Variants in CFAP221 observed in about 807,000 individuals in gnomAD.
CFAP221 encodes cilia- and flagella-associated protein 221.
CFAP221 carries 97 observed loss-of-function variants against 113.1 expected under a neutral mutation model. The observed-to-expected ratio is 0.86, with a 90% CI of 0.73 to 1.02. The LOEUF is 1.02. CFAP221 is among the 50% of genes least tolerant of loss of function. The pLI, the probability that CFAP221 is intolerant of heterozygous loss-of-function variation, is 0.00. For missense variants in CFAP221, 1,025 were observed against 1,013.4 expected, an observed-to-expected ratio of 1.01 and a Z score of -0.16; for synonymous variants, 331 against 354.4, an observed-to-expected ratio of 0.93 and a Z score of 0.74.
Position 119,638,416 on chromosome 2 carries a change from C to A in CFAP221, c.2132C>A (p.Thr711Lys). The A allele has an allele frequency of 6.2e-7, 1 of 1,614,040 alleles. No homozygotes were observed. Among genetic ancestry groups the A allele is most frequent in the Non-Finnish European group, 8.5e-7 (1 of 1,179,978 alleles). The part of the protein sequence containing the change: ...PVTQKQFLHH[T>K]DIIPGIMHWK... Reference sequence around the variant, plus strand: ...ACCCAAAAGCAGTTTCTCCATCACACGGTAATGTCATCACCAGGCTCACTG... The same window carrying A: ...ACCCAAAAGCAGTTTCTCCATCACAAGGTAATGTCATCACCAGGCTCACTG... Residue 711 changes from threonine (T) to lysine (K), a missense_variant and splice_region_variant, in exon 20 of 24, where the codon ACG (threonine) becomes AAG (lysine). Transcript: ENST00000413369.
At chr2:119,621,864 A>C (rs1004663281) in intron 14 of CFAP221, among the ~76,000 whole-genome samples, 6 of 152,224 alleles carry the variant, frequency 3.9e-5, no homozygotes, top group Non-Finnish European at 8.8e-5. Flanking sequence ...AACATACCAG[A>C]ATCTCTGGGA....
At chr2:119,592,313 G>A (rs1033223474) in intron 7 of CFAP221, among the ~76,000 whole-genome samples, 2 of 152,194 alleles carry the variant, frequency 1.3e-5, no homozygotes, top group Admixed American at 6.5e-5. Flanking sequence ...CCTAAAATTT[G>A]TTGCTAAAAT....
chr2:119,584,265 G>A (rs899071494), intron 6 of CFAP221, among the ~76,000 whole-genome samples: 3 of 152,054 alleles, frequency 2.0e-5, no homozygotes, highest in Non-Finnish European at 4.4e-5. Flanking sequence ...TACTTGCAAT[G>A]CATATAATTA....
At position 119,560,001 on chromosome 2, in the gene CFAP221, A is replaced by G. The variant is rs765183176; in HGVS notation, c.401A>G (p.Tyr134Cys). The G allele has an allele frequency of 4.6e-6, 7 of 1,509,198 alleles. No individual in the cohort carries two copies. In the East Asian group the frequency reaches 1.7e-4, roughly 38 times the overall value. 93.5% of individuals were successfully genotyped at this position (1,509,198 alleles called of 1,614,324 possible). Residue 134 changes from tyrosine to cysteine, a missense_variant, in exon 5 of 24, where the codon TAT becomes TGT. By Grantham distance (194) the Tyr-to-Cys change is radical. Coordinates refer to ENST00000413369, the MANE Select transcript of CFAP221 (RefSeq NM_001271049.2). ...TCTCCAGATGAGTGGCGATACTATT[A>G]TGACTGCATCCGTGTTCACTGTAAG... Reference protein sequence around the residue: ...TFSPDEWRYYYDCIRVHCKGD... With the variant: ...TFSPDEWRYYCDCIRVHCKGD...
At chr2:119,606,585 T>G (rs552156737) in intron 11 of CFAP221, among the ~76,000 whole-genome samples, 1 of 152,120 alleles carries the variant, frequency 6.6e-6, no homozygotes, top group Non-Finnish European at 1.5e-5. Flanking sequence ...TTCCCTATTA[T>G]GAAAAACAGG....
At chr2:119,621,228 A>G (rs1424815816) in intron 14 of CFAP221, among the ~76,000 whole-genome samples, 1 of 152,006 alleles carries the variant, frequency 6.6e-6, no homozygotes, top group Admixed American at 6.5e-5. Context: ...TGTGTCAAAA[A>G]AAAAAAAAAA....
Position 119,651,970 on chromosome 2 carries a change from G to A in CFAP221, c.2319-4G>A. On this transcript the variant is annotated splice_polypyrimidine_tract_variant and splice_region_variant and intron_variant, in intron 22 of 23. Transcript: ENST00000413369. ...TGCCCACTAAACATCTTATTACTTT[G>A]CAGTGAGCTCTGTGAGCAGAATGTA... is the stretch of plus-strand genomic sequence containing the variant. 1 of 1,606,514 alleles carries A rather than the reference G, an allele frequency of 6.2e-7. No individual in the cohort carries two copies. Among genetic ancestry groups the A allele is most frequent in the Non-Finnish European group, 8.5e-7 (1 of 1,175,134 alleles).
At chr2:119,605,720 A>T (rs1002386100) in intron 11 of CFAP221, among the ~76,000 whole-genome samples, 3 of 152,094 alleles carry the variant, frequency 2.0e-5, no homozygotes, top group Non-Finnish European at 2.9e-5. Context: ...TAAAACTGAG[A>T]TGTGAGAATT....
intron 13 of CFAP221, among the ~76,000 whole-genome samples, chr2:119,614,046 G>C (rs1244419897): frequency 6.6e-6 from 1 of 152,180 alleles, no homozygotes; most frequent in Non-Finnish European, 1.5e-5. Flanking sequence ...CAAGTTCAAA[G>C]TTCCACAGAT....
chr2:119,636,542 G>A (rs141401539), intron 19 of CFAP221, among the ~76,000 whole-genome samples: 5 of 152,338 alleles, frequency 3.3e-5, no homozygotes, highest in African/African-American at 7.2e-5. Context: ...CGAAGTCCTT[G>A]TCTTGCATAG....
intron 8 of CFAP221, chr2:119,602,724 A>T (rs942455300): frequency 7.1e-6 from 7 of 985,422 alleles, no homozygotes; most frequent in African/African-American, 1.7e-5. Flanking sequence ...CTGAACACAA[A>T]TTTTAAAACT....
chr2:119,564,288 T>A (rs1490295462), intron 6 of CFAP221, among the ~76,000 whole-genome samples: 1 of 152,192 alleles, frequency 6.6e-6, no homozygotes, highest in Non-Finnish European at 1.5e-5. Context: ...GGTTCAGCTG[T>A]TGCGTTGCCC....
chr2:119,590,609 C>T (rs1441498043), intron 7 of CFAP221, among the ~76,000 whole-genome samples: 1 of 152,242 alleles, frequency 6.6e-6, no homozygotes, highest in South Asian at 2.1e-4. Flanking sequence ...GTCCACACAC[C>T]AGCATTCACC....
Position 119,601,372 on chromosome 2 carries a change from CT to C in CFAP221, c.788del (p.Leu263TyrfsTer3). On this transcript the variant is annotated frameshift_variant, in exon 8 of 24. Coordinates refer to ENST00000413369, the MANE Select transcript of CFAP221 (RefSeq NM_001271049.2). LOFTEE classifies it high-confidence loss of function. ...CCGGAACATGCTATCCCAACATGGC[CT>C]TACCGTATGGCGTCTTTGCAGTGTT... ...FTGTCYPNMA[L>X]PLEEFERLNT... 1.3e-6 allele frequency: 2 copies of C among 1,518,504 alleles called. No homozygotes were observed. The highest frequency in any genetic ancestry group is 8.8e-7 in the Non-Finnish European group (1 of 1,134,178). The allele number at this position is 1,518,504 out of a possible 1,614,324, so 94.1% of individuals were successfully genotyped here.
In CFAP221 at chr2:119,647,604, T is replaced by C. The variant is rs117633020; in HGVS notation, c.2318+554T>C. 3.3e-4 allele frequency among the ~76,000 whole-genome samples: 51 copies of C among 152,246 alleles called. No individual in the cohort carries two copies. In the East Asian group the frequency reaches 7.5e-3, roughly 23 times the overall value. On this transcript the variant is annotated intron_variant, in intron 22 of 23. Transcript: ENST00000413369. The stretch of plus-strand genomic sequence containing the variant: ...ATCATGAGCACCACAGCATACAGCA[T>C]TCGTACGTCCAGCTCACACGTGTAC...
At chr2:119,656,337 C>T in intron 23 of CFAP221, 25 bp from the exon 24 acceptor site, 1 of 1,598,068 alleles carries the variant, frequency 6.3e-7, no homozygotes, top group Non-Finnish European at 8.6e-7. Flanking sequence ...CCTCATGTTT[C>T]CTTCTTGGGT....
intron 6 of CFAP221, chr2:119,573,269 T>G (rs1682197667): frequency 6.6e-6 from 1 of 152,218 alleles, no homozygotes; most frequent in Non-Finnish European, 1.5e-5. Context: ...CAAATTGATG[T>G]TCACAAGTGT....
chr2:119,633,952 C>A (rs1410304389), intron 19 of CFAP221, among the ~76,000 whole-genome samples: 1 of 152,156 alleles, frequency 6.6e-6, no homozygotes, highest in Non-Finnish European at 1.5e-5. Context: ...GCCATATGAT[C>A]CAGCAATCTG....
intron 19 of CFAP221, among the ~76,000 whole-genome samples, chr2:119,636,198 C>G (rs1169237120): frequency 6.6e-6 from 1 of 152,260 alleles, no homozygotes; most frequent in East Asian, 1.9e-4. Context: ...AACATATTTA[C>G]ATAGCTGAGA....
Sources: allele counts gnomAD v4.1 joint callset (sites outside exome capture counted in the v4.1 genomes callset), GRCh38; gene constraint gnomAD v4.1.1; transcripts MANE v1.5; gene names NCBI Gene and HGNC (gene_info 2026-07-23, HGNC 2026-07-21).